Variants in FBLN7 observed in about 807,000 individuals in gnomAD.
The protein encoded by FBLN7 is fibulin-7.
Under a neutral mutation model 44.0 loss-of-function variants are expected in FBLN7, and 31 were observed. The ratio of observed to expected loss-of-function variants is 0.70; its 90% CI spans 0.53 to 0.95. The LOEUF (loss-of-function observed/expected upper bound fraction) is 0.95. FBLN7 is among the 40% of genes least tolerant of loss of function. The probability of loss-of-function intolerance (pLI) is 0.00; values close to 1 mark genes in which losing one functional copy is unlikely to be tolerated. For missense variants in FBLN7, 573 were observed against 618.5 expected (o/e 0.93, Z 0.78); for synonymous variants, 262 against 253.4 (o/e 1.03, Z -0.32).
chr2:112,203,984 G>A, the FBLN7 span, among the ~76,000 whole-genome samples: 10 of 152,280 alleles, frequency 6.6e-5, no homozygotes, highest in African/African-American at 2.4e-4. Flanking sequence ...AGATTTGGGT[G>A]AGGACACAGC....
At chr2:112,150,685 T>G (rs977384778) in intron 1 of FBLN7, among the ~76,000 whole-genome samples, 1 of 152,144 alleles carries the variant, frequency 6.6e-6, no homozygotes, top group Non-Finnish European at 1.5e-5. Flanking sequence ...CTGGGGCAAG[T>G]TCCTGCCCCT....
downstream of FBLN7, among the ~76,000 whole-genome samples, chr2:112,192,284 C>T (rs1385420208): frequency 1.3e-5 from 2 of 152,140 alleles, no homozygotes; most frequent in Admixed American, 6.6e-5. Flanking sequence ...TTTTCCACCC[C>T]CAACAGCAAT....
At chr2:112,159,292 T>C (rs114916900) in intron 1 of FBLN7, among the ~76,000 whole-genome samples, 3,315 of 152,260 alleles carry the variant, frequency 0.022, 55 homozygotes, top group Middle Eastern at 0.044. Context: ...GCCCTTTGCT[T>C]TTAAAAATGT....
downstream of FBLN7, chr2:112,190,324 T>C (rs1683445650): frequency 1.3e-5 from 2 of 152,248 alleles, no homozygotes; most frequent in Admixed American, 6.5e-5. Flanking sequence ...GCAATTAATA[T>C]TCTAGTGCTA....
the FBLN7 span, among the ~76,000 whole-genome samples, chr2:112,217,529 G>T: frequency 1.3e-5 from 2 of 152,218 alleles, no homozygotes; most frequent in East Asian, 3.8e-4. Context: ...CTTTATGCAT[G>T]TATAATTCTG....
intron 1 of FBLN7, among the ~76,000 whole-genome samples, chr2:112,157,168 G>A (rs1174230163): frequency 2.0e-5 from 3 of 152,134 alleles, no homozygotes; most frequent in Non-Finnish European, 2.9e-5. Context: ...TCAGGAGTTC[G>A]AGACCAGCCT....
At chr2:112,217,922 G>T in the FBLN7 span, among the ~76,000 whole-genome samples, 19 of 152,026 alleles carry the variant, frequency 1.2e-4, no homozygotes, top group African/African-American at 4.6e-4. Flanking sequence ...CTGGTTTCTT[G>T]TGTTTTTGTT....
intron 1 of FBLN7, among the ~76,000 whole-genome samples, chr2:112,149,838 G>A (rs1681067509): frequency 6.6e-6 from 1 of 152,228 alleles, no homozygotes; most frequent in African/African-American, 2.4e-5. Flanking sequence ...TAAGTAAAAT[G>A]TGTATCTCAA....
chr2:112,242,667 T>TAAAAGAA, the FBLN7 span, among the ~76,000 whole-genome samples: 1 of 152,214 alleles, frequency 6.6e-6, no homozygotes, highest in Non-Finnish European at 1.5e-5. Flanking sequence ...GTAACAATAC[T>TAAAAGAA]ACAGTAGTGC....
chr2:112,185,349 TC>T lies in FBLN7; in HGVS notation c.947+12del. On this transcript the variant is annotated intron_variant, in intron 7 of 7. Transcript: ENST00000331203. ...TGAAGACGTCTCCATTGTGAGTATC[TC>T]CAGGGGAGGCACACCCTCACCCAGG... 1 of 1,609,750 alleles carries T rather than the reference TC, an allele frequency of 6.2e-7. No homozygotes were observed. The highest frequency in any genetic ancestry group is 8.5e-7 in the Non-Finnish European group (1 of 1,176,636).
the FBLN7 span, among the ~76,000 whole-genome samples, chr2:112,195,728 A>C: frequency 1.3e-5 from 2 of 152,200 alleles, no homozygotes; most frequent in Non-Finnish European, 2.9e-5. Context: ...CGTTCTAAGC[A>C]TCCCTACAGA....
the FBLN7 span, among the ~76,000 whole-genome samples, chr2:112,219,096 A>G: frequency 6.6e-6 from 1 of 152,204 alleles, no homozygotes; most frequent in Non-Finnish European, 1.5e-5. Context: ...AAATAGAAAA[A>G]TCTGTCTTAA....
intron 3 of FBLN7, among the ~76,000 whole-genome samples, chr2:112,167,870 G>A (rs1317940363): frequency 2.2e-5 from 1 of 45,956 alleles, no homozygotes; most frequent in Non-Finnish European, 4.5e-5. Context: ...GGAAAGACAC[G>A]TTATGTTATG....
intron 1 of FBLN7, among the ~76,000 whole-genome samples, chr2:112,157,831 T>G (rs1250859584): frequency 6.6e-6 from 1 of 152,026 alleles, no homozygotes; most frequent in African/African-American, 2.4e-5. Context: ...AACTCCTGGA[T>G]GCAAGTGATC....
chr2:112,180,659 G>A (rs1682933493), intron 4 of FBLN7, among the ~76,000 whole-genome samples: 1 of 152,116 alleles, frequency 6.6e-6, no homozygotes, highest in South Asian at 2.1e-4. Flanking sequence ...GGTGGCTCAC[G>A]CCTGTAATTC....
At chr2:112,203,049 CAAAA>C in the FBLN7 span, among the ~76,000 whole-genome samples, 1 of 151,884 alleles carries the variant, frequency 6.6e-6, no homozygotes, top group Admixed American at 6.6e-5. Context: ...AACAAACAAA[CAAAA>C]AAACAAAAAA....
rs1312028292 is a variant in FBLN7 at position 112,185,355 on chromosome 2, G to A, written c.947+16G>A. ...CGTCTCCATTGTGAGTATCTCCAGG[G>A]GAGGCACACCCTCACCCAGGCCTCC... On this transcript the variant is annotated intron_variant, in intron 7 of 7. Transcript: ENST00000331203. The A allele has an allele frequency of 6.2e-7, 1 of 1,608,486 alleles. No individual in the cohort carries two copies. The highest frequency in any genetic ancestry group is 8.5e-7 in the Non-Finnish European group (1 of 1,175,680).
rs2104604058 is a variant in FBLN7 at position 112,182,088 on chromosome 2, ACCTGGT to A, written c.670+215_670+220del. 4.8e-6 allele frequency: 3 copies of A among 624,354 alleles called. 1 individual carries two copies. The South Asian group carries it at 6.6e-5, about 14-fold the overall frequency. 38.7% of individuals were successfully genotyped at this position (624,354 alleles called of 1,614,324 possible). On this transcript the variant is annotated intron_variant, in intron 5 of 7. Transcript: ENST00000331203. ...AAATCAGAGCTCGCCCCGCCTCAGA[ACCTGGT>A]CCAGCCTATGCCCAAGCCACACGCG...
At chr2:112,194,941 A>G in the FBLN7 span, among the ~76,000 whole-genome samples, 147 of 152,358 alleles carry the variant, frequency 9.6e-4, no homozygotes, top group Non-Finnish European at 1.5e-3. Context: ...GAGAAATCCA[A>G]TGTGGGTGGT....
Sources: allele counts gnomAD v4.1 joint callset (sites outside exome capture counted in the v4.1 genomes callset), GRCh38; gene constraint gnomAD v4.1.1; transcripts MANE v1.5; gene names NCBI Gene and HGNC (gene_info 2026-07-23, HGNC 2026-07-21).